The following VWA8 variants were observed in gnomAD, a reference collection of about 807,000 sequenced individuals.
The protein encoded by VWA8 is von Willebrand factor A domain containing 8, also known as von Willebrand factor A domain-containing protein 8.
VWA8 carries 221 observed loss-of-function variants against 241.5 expected under a neutral mutation model. The observed-to-expected ratio is 0.91, with a 90% CI of 0.82 to 1.02. The LOEUF (loss-of-function observed/expected upper bound fraction) is 1.02. Among genes scored for constraint, VWA8 ranks in the 50% least tolerant of loss-of-function variants. The pLI is 0.00. For synonymous variants in VWA8, 852 were observed against 827.1 expected (o/e 1.03, Z -0.52); for missense variants, 2,322 against 2,328.7 (o/e 1.00, Z 0.06).
intron 37 of VWA8, among the ~76,000 whole-genome samples, chr13:41,624,626 C>G (rs962089277): frequency 6.6e-6 from 1 of 152,090 alleles, no homozygotes; most frequent in Non-Finnish European, 1.5e-5. Flanking sequence ...ATTCAACATC[C>G]CTTTATGTTA....
intron 2 of VWA8, among the ~76,000 whole-genome samples, chr13:41,934,140 C>T (rs1195385837): frequency 6.7e-6 from 1 of 148,848 alleles, no homozygotes; most frequent in Non-Finnish European, 1.5e-5. Flanking sequence ...CCACAAACAG[C>T]CCACCCAAAA....
At chr13:41,708,285 C>T (rs547617331) in intron 26 of VWA8, among the ~76,000 whole-genome samples, 4 of 151,890 alleles carry the variant, frequency 2.6e-5, no homozygotes, top group East Asian at 1.9e-4. Flanking sequence ...TGCTTGAACC[C>T]GGGAGGCAGA....
At chr13:41,730,438 A>G (rs975766225) in intron 22 of VWA8, among the ~76,000 whole-genome samples, 11 of 151,182 alleles carry the variant, frequency 7.3e-5, no homozygotes, top group Admixed American at 2.0e-4. Context: ...TGGTGACAAT[A>G]TGCGGAATAG....
At chr13:41,663,278 T>A (rs2044964337) in intron 37 of VWA8, among the ~76,000 whole-genome samples, 1 of 152,154 alleles carries the variant, frequency 6.6e-6, no homozygotes, top group African/African-American at 2.4e-5. Flanking sequence ...TTAAATTTAA[T>A]CTCTACTTCT....
At chr13:41,628,192 C>CA (rs1462593940) in intron 37 of VWA8, among the ~76,000 whole-genome samples, 1 of 151,656 alleles carries the variant, frequency 6.6e-6, no homozygotes, top group Non-Finnish European at 1.5e-5. Context: ...CAAAACAAAA[C>CA]AAAAAAAGTA....
intron 29 of VWA8, among the ~76,000 whole-genome samples, chr13:41,695,150 A>T (rs1380422968): frequency 6.6e-6 from 1 of 152,090 alleles, no homozygotes; most frequent in Admixed American, 6.6e-5. Context: ...CAATTTTATT[A>T]TGTTTGTATT....
At chr13:41,684,364 T>G (rs533971713) in intron 35 of VWA8, among the ~76,000 whole-genome samples, 8 of 151,344 alleles carry the variant, frequency 5.3e-5, no homozygotes, top group African/African-American at 2.0e-4. Context: ...AAAAGTCAAT[T>G]AATCAATGAT....
chr13:41,568,888 C>A (rs150873294), intron 44 of VWA8, among the ~76,000 whole-genome samples: 3 of 152,176 alleles, frequency 2.0e-5, no homozygotes, highest in Non-Finnish European at 2.9e-5. Flanking sequence ...GAAATTTTTT[C>A]CAACTCATTT....
At chr13:41,796,910 T>C (rs1869729717) in intron 17 of VWA8, among the ~76,000 whole-genome samples, 1 of 152,204 alleles carries the variant, frequency 6.6e-6, no homozygotes, top group African/African-American at 2.4e-5. Context: ...GATTTAAATT[T>C]TCCAACTAAA....
At chr13:41,759,301 T>C (rs1287124001) in intron 21 of VWA8, among the ~76,000 whole-genome samples, 1 of 151,652 alleles carries the variant, frequency 6.6e-6, no homozygotes, top group Non-Finnish European at 1.5e-5. Flanking sequence ...AGCAGTCACT[T>C]TTATCATTGT....
chr13:41,687,627 A>G (rs2045145567), intron 34 of VWA8, among the ~76,000 whole-genome samples: 1 of 151,914 alleles, frequency 6.6e-6, no homozygotes. Context: ...GTCTGTTTCT[A>G]TTTTTTTCAT....
intron 15 of VWA8, among the ~76,000 whole-genome samples, chr13:41,818,336 C>G (rs1026174787): frequency 8.3e-5 from 4 of 47,932 alleles, no homozygotes; most frequent in Non-Finnish European, 2.4e-4. Context: ...TTTGGGAGGC[C>G]AAGGGGGGGT....
chr13:41,660,874 G>T (rs1341377904), intron 37 of VWA8, among the ~76,000 whole-genome samples: 1 of 151,824 alleles, frequency 6.6e-6, no homozygotes, highest in Non-Finnish European at 1.5e-5. Flanking sequence ...CTGAGAATTG[G>T]GTTTCTTTTT....
intron 4 of VWA8, among the ~76,000 whole-genome samples, chr13:41,900,968 G>T (rs1423622999): frequency 6.6e-6 from 1 of 151,998 alleles, no homozygotes; most frequent in African/African-American, 2.4e-5. Flanking sequence ...TCTAAAACTA[G>T]GCTCATTTTG....
chr13:41,713,608 T>C (rs536964556), intron 26 of VWA8, among the ~76,000 whole-genome samples: 1 of 152,316 alleles, frequency 6.6e-6, no homozygotes, highest in Middle Eastern at 3.4e-3. Flanking sequence ...ACTTTTAAAG[T>C]ACAGTCTCAT....
intron 42 of VWA8, among the ~76,000 whole-genome samples, chr13:41,584,692 A>G (rs926073212): frequency 1.3e-5 from 2 of 152,210 alleles, no homozygotes; most frequent in African/African-American, 2.4e-5. Flanking sequence ...TCAAGGCCTG[A>G]AAAATTTATT....
At chr13:41,570,994 A>G (rs1022114766) in intron 43 of VWA8, among the ~76,000 whole-genome samples, 7 of 152,200 alleles carry the variant, frequency 4.6e-5, no homozygotes, top group African/African-American at 9.7e-5. Context: ...GTGAGAAAAT[A>G]TAAGAAAATA....
At chr13:41,585,065 T>C (rs1458659709) in intron 42 of VWA8, among the ~76,000 whole-genome samples, 1 of 150,488 alleles carries the variant, frequency 6.6e-6, no homozygotes, top group East Asian at 2.0e-4. Context: ...GGTAACAGTT[T>C]GGTTTGTAAC....
intron 41 of VWA8, 111 bp from the exon 42 acceptor site, chr13:41,587,781 C>T: frequency 1.5e-6 from 2 of 1,307,724 alleles, no homozygotes; most frequent in Non-Finnish European, 2.1e-6. Flanking sequence ...ATGGGCAGAC[C>T]AGCCATAGGC....
Sources: allele counts gnomAD v4.1 joint callset (sites outside exome capture counted in the v4.1 genomes callset), GRCh38; gene constraint gnomAD v4.1.1; transcripts MANE v1.5; gene names NCBI Gene and HGNC (gene_info 2026-07-23, HGNC 2026-07-21).